The following PPA1 variants were observed in gnomAD, a reference collection of about 807,000 sequenced individuals.
PPA1 encodes inorganic pyrophosphatase.
In PPA1, 23 loss-of-function variants were observed where a neutral mutation model predicts 41.8. The observed-to-expected ratio is 0.55, with a 90% CI of 0.40 to 0.78. The LOEUF (loss-of-function observed/expected upper bound fraction) is 0.78. Among genes scored for constraint, PPA1 ranks in the 30% least tolerant of loss-of-function variants. The pLI, the probability that PPA1 is intolerant of heterozygous loss-of-function variation, is 0.00. For synonymous variants in PPA1, 101 were observed against 116.8 expected, an observed-to-expected ratio of 0.86 and a Z score of 0.87; for missense variants, 320 against 361.6, an observed-to-expected ratio of 0.89 and a Z score of 0.93.
Position 70,221,076 on chromosome 10 carries a change from ATTTTT to A in PPA1, c.124-2264_124-2260del, listed in dbSNP as rs11310336. Among the ~76,000 whole-genome samples, 7 of 40,026 alleles carry A rather than the reference ATTTTT, an allele frequency of 1.7e-4. 1 individual carries two copies. The highest frequency in any genetic ancestry group is 1.2e-3 in the African/African-American group (6 of 4,968). The allele number at this position is 40,026 out of a possible 152,430, so 26.3% of individuals were successfully genotyped here. A position where few individuals can be genotyped will look rare whatever the true frequency, so the allele number is the denominator to read the frequency against. On this transcript the variant is annotated intron_variant, in intron 2 of 10. Transcript: ENST00000373232. ...ATATAATTTATATATATATATATATATTTTTTTTTTTTTTTTTTTGTAGAGATGGA... is the reference window on the plus strand; with the variant it reads ...ATATAATTTATATATATATATATATATTTTTTTTTTTTTTGTAGAGATGGA...
At chr10:70,220,051 C>T (rs988427478) in intron 2 of PPA1, among the ~76,000 whole-genome samples, 1 of 151,778 alleles carries the variant, frequency 6.6e-6, no homozygotes, top group African/African-American at 2.4e-5. Flanking sequence ...TCTCAGCCTC[C>T]TGAGTAGCTG....
Position 70,213,498 on chromosome 10 carries a change from A to G in PPA1, c.476T>C (p.Ile159Thr), listed in dbSNP as rs1589892512. The G allele has an allele frequency of 6.2e-7, 1 of 1,614,068 alleles. No homozygotes were observed. Among genetic ancestry groups the G allele is most frequent in the Non-Finnish European group, 8.5e-7 (1 of 1,179,956 alleles). Residue 159 changes from isoleucine (I) to threonine (T), a missense_variant, in exon 6 of 11, where the codon ATT (isoleucine) becomes ACT (threonine). Coordinates refer to ENST00000373232, the MANE Select transcript of PPA1 (RefSeq NM_021129.4). Reference sequence around the variant, plus strand: ...GGCTGCATCAGGATCATCCACATTAATGGCAATGACTTTCCAGTCGGTTTC... The same window carrying G: ...GGCTGCATCAGGATCATCCACATTAGTGGCAATGACTTTCCAGTCGGTTTC... The part of the protein sequence containing the change: ...EGETDWKVIA[I>T]NVDDPDAANY...
At chr10:70,218,705 G>T in intron 3 of PPA1, 59 bp downstream of exon 3, 1 of 1,290,018 alleles carries the variant, frequency 7.8e-7, no homozygotes, top group Non-Finnish European at 1.1e-6. Flanking sequence ...GATCAAGTCA[G>T]TGTGACTAGA....
At position 70,207,060 on chromosome 10, in the gene PPA1, T is replaced by C. The variant is rs188246070; in HGVS notation, c.726-727A>G. Among the ~76,000 whole-genome samples the C allele has an allele frequency of 6.3e-3, 953 of 152,214 alleles. 5 individuals carry two copies. The highest frequency in any genetic ancestry group is 0.011 in the Non-Finnish European group (763 of 67,998). The stretch of plus-strand genomic sequence containing the variant: ...GTGAGACATCTGAAACAGACACTTC[T>C]GGCAGGAGTCCTGGTTCAATCTTTC... On this transcript the variant is annotated intron_variant, in intron 8 of 10. Coordinates refer to ENST00000373232, the MANE Select transcript of PPA1 (RefSeq NM_021129.4).
chr10:70,225,375 A>AT (rs536155751), intron 2 of PPA1, among the ~76,000 whole-genome samples: 18 of 147,476 alleles, frequency 1.2e-4, no homozygotes, highest in East Asian at 7.9e-4. Context: ...CACCCAGCTA[A>AT]TTTTTTTTTT....
intron 2 of PPA1, among the ~76,000 whole-genome samples, chr10:70,227,690 T>C (rs932302029): frequency 1.4e-5 from 2 of 146,982 alleles, no homozygotes; most frequent in African/African-American, 5.0e-5. Flanking sequence ...GATATGGATA[T>C]GAGCCCTTGG....
rs1361227210 is a variant in PPA1 at position 70,233,237 on chromosome 10, G to T, written c.64+27C>A. 4 of 1,528,710 alleles carry T rather than the reference G, an allele frequency of 2.6e-6. No individual in the cohort carries two copies. The Admixed American group carries it at 8.1e-5, about 31-fold the overall frequency. 94.7% of individuals were successfully genotyped at this position (1,528,710 alleles called of 1,614,324 possible). A position where few individuals can be genotyped will look rare whatever the true frequency, so the allele number is the denominator to read the frequency against. ...GGGAATGAATGGGCGGACGGGCGCG[G>T]AGGGGCCACGGGCCGCAGACACTCA... On this transcript the variant is annotated intron_variant, in intron 1 of 10. Coordinates refer to ENST00000373232, the MANE Select transcript of PPA1 (RefSeq NM_021129.4).
At chr10:70,218,131 C>CT (rs1402926770) in intron 3 of PPA1, among the ~76,000 whole-genome samples, 200 bp from the exon 4 acceptor site, 2 of 151,970 alleles carry the variant, frequency 1.3e-5, no homozygotes, top group Non-Finnish European at 2.9e-5. Context: ...TATAAAGGAA[C>CT]TATCAAGAAG....
Position 70,209,200 on chromosome 10 carries a change from C to T in PPA1, c.725+5G>A. The T allele has an allele frequency of 6.3e-7, 1 of 1,575,814 alleles. No homozygotes were observed. Among genetic ancestry groups the T allele is most frequent in the Admixed American group, 1.7e-5 (1 of 59,684 alleles). ...GTGTTAAACATGCAAAGTGTTTACACTTACCAACTGATTCCTTTTCCATTC... is the reference window on the plus strand; with the variant it reads ...GTGTTAAACATGCAAAGTGTTTACATTTACCAACTGATTCCTTTTCCATTC... On this transcript the variant is annotated splice_donor_5th_base_variant and intron_variant, in intron 8 of 10. Transcript: ENST00000373232.
Position 70,214,497 on chromosome 10 carries a change from T to C in PPA1, c.384+3A>G, listed in dbSNP as rs772871798. ...TAAAGAAAAAAATGTCACATTTCAT[T>C]ACCTTGCTTCCAATTTCACACACAT... On this transcript the variant is annotated splice_donor_region_variant and intron_variant, in intron 5 of 10. Transcript: ENST00000373232. The C allele has an allele frequency of 8.7e-6, 14 of 1,609,282 alleles. No individual in the cohort carries two copies. The East Asian group carries it at 2.9e-4, about 33-fold the overall frequency.
intron 5 of PPA1, among the ~76,000 whole-genome samples, chr10:70,214,277 A>C (rs1176913107): frequency 6.6e-6 from 1 of 152,242 alleles, no homozygotes; most frequent in African/African-American, 2.4e-5. Context: ...TTCTAGATAT[A>C]TGTTCAATCA....
chr10:70,205,619 A>G (rs1233141742), intron 9 of PPA1: 1 of 152,166 alleles, frequency 6.6e-6, no homozygotes, highest in Non-Finnish European at 1.5e-5. Flanking sequence ...AGATAAAACT[A>G]AATGTACTGG....
intron 10 of PPA1, chr10:70,204,628 A>G (rs1286305252): frequency 1.2e-5 from 5 of 410,694 alleles, no homozygotes; most frequent in Non-Finnish European, 1.8e-5. Context: ...TGTAACATCT[A>G]TTTCAAAATT....
intron 2 of PPA1, among the ~76,000 whole-genome samples, chr10:70,225,915 A>T (rs1840224765): frequency 6.6e-6 from 1 of 152,242 alleles, no homozygotes; most frequent in African/African-American, 2.4e-5. Context: ...GGATACCTGA[A>T]GTATTTCATC....
Position 70,224,918 on chromosome 10 carries a change from ACAGGGTTTCT to A in PPA1, c.123+5413_123+5422del, listed in dbSNP as rs377132278. Among the ~76,000 whole-genome samples the A allele has an allele frequency of 9.2e-3, 1,400 of 152,102 alleles. 18 individuals are homozygous for A. Among genetic ancestry groups the A allele is most frequent in the African/African-American group, 0.032 (1,335 of 41,494 alleles). On this transcript the variant is annotated intron_variant, in intron 2 of 10. Transcript: ENST00000373232. ...GCTAATTTTTGTATTTTTAGTAGAG[ACAGGGTTTCT>A]CCATGTTGGTCAGGCTGGTCTCGAG...
intron 4 of PPA1, among the ~76,000 whole-genome samples, chr10:70,215,012 T>C (rs998825324): frequency 6.6e-6 from 1 of 152,036 alleles, no homozygotes; most frequent in African/African-American, 2.4e-5. Flanking sequence ...CTAGCCAACA[T>C]GGTGAAACAC....
chr10:70,226,935 C>T (rs1840236002), intron 2 of PPA1, among the ~76,000 whole-genome samples: 1 of 152,040 alleles, frequency 6.6e-6, no homozygotes, highest in Admixed American at 6.6e-5. Flanking sequence ...AAAAATAGAA[C>T]CCTACATTGT....
intron 1 of PPA1, among the ~76,000 whole-genome samples, chr10:70,231,251 A>G (rs985989334): frequency 2.0e-5 from 3 of 152,228 alleles, no homozygotes; most frequent in Non-Finnish European, 4.4e-5. Context: ...TACTGTCCAC[A>G]TCGCATCCCT....
chr10:70,212,717 C>T (rs775359534), intron 6 of PPA1, among the ~76,000 whole-genome samples: 3 of 151,626 alleles, frequency 2.0e-5, no homozygotes, highest in Non-Finnish European at 4.4e-5. Context: ...TAGGGAATGA[C>T]TTGAACTAGT....
Sources: allele counts gnomAD v4.1 joint callset (sites outside exome capture counted in the v4.1 genomes callset), GRCh38; gene constraint gnomAD v4.1.1; transcripts MANE v1.5; gene names NCBI Gene and HGNC (gene_info 2026-07-23, HGNC 2026-07-21).